The following SULF2 variants were observed in gnomAD, a reference collection of about 807,000 sequenced individuals.
The protein encoded by SULF2 is sulfatase 2.
Under a neutral mutation model 107.7 loss-of-function variants are expected in SULF2, and 52 were observed. That is an observed-to-expected ratio of 0.48 (90% CI 0.39 to 0.61). The LOEUF (loss-of-function observed/expected upper bound fraction) is 0.61, where lower values mean the gene tolerates loss of function less well. Among genes scored for constraint, SULF2 ranks in the 20% least tolerant of loss-of-function variants. The pLI is 0.00. For synonymous variants in SULF2, 460 were observed against 464.3 expected, an observed-to-expected ratio of 0.99 and a Z score of 0.12; for missense variants, 993 against 1,177.3, an observed-to-expected ratio of 0.84 and a Z score of 2.29.
intron 2 of SULF2, among the ~76,000 whole-genome samples, chr20:47,747,010 T>TAC (rs769812257): frequency 3.8e-5 from 5 of 132,306 alleles, no homozygotes; most frequent in East Asian, 2.3e-4. Context: ...TATATATATA[T>TAC]ATATATATAC....
intron 3 of SULF2, among the ~76,000 whole-genome samples, chr20:47,727,489 C>A (rs558602253): frequency 6.6e-6 from 1 of 152,166 alleles, no homozygotes; most frequent in Non-Finnish European, 1.5e-5. Flanking sequence ...CTGTGAAAAT[C>A]GCCTTTTGTT....
chr20:47,698,671 A>C (rs370631737), intron 4 of SULF2, among the ~76,000 whole-genome samples: 1 of 152,222 alleles, frequency 6.6e-6, no homozygotes, highest in East Asian at 1.9e-4. Flanking sequence ...TTCCTCTTTG[A>C]TTAAGCCACT....
chr20:47,666,268 C>T lies in SULF2; in HGVS notation c.1797G>A (p.Val599=), dbSNP rs1215650313. 1.2e-6 allele frequency: 2 copies of T among 1,614,000 alleles called. No homozygotes were observed. The highest frequency in any genetic ancestry group is 2.2e-5 in the South Asian group (2 of 91,062). Residue 599 remains valine (V), a synonymous_variant, in exon 12 of 21, where the codon GTG becomes GTA. Coordinates refer to ENST00000688720, the MANE Select transcript of SULF2 (RefSeq NM_001387048.1). This position sits in a 1 kb window ranked among gnomAD's most constrained non-coding sequence, Gnocchi z 5.4. The stretch of plus-strand genomic sequence containing the variant: ...TCCACCTGGACACTCACCGATGTGT[C>T]ACTTTAATGGGGTTGGCGGCTGAGT... The part of the protein sequence containing the change: ...PDYSAANPIK[V]THRCYILEND...
intron 1 of SULF2, among the ~76,000 whole-genome samples, chr20:47,761,529 G>A (rs1382182673): frequency 6.6e-6 from 1 of 152,232 alleles, no homozygotes; most frequent in Non-Finnish European, 1.5e-5. Flanking sequence ...TCCCTGTAGA[G>A]CTAATTGTAC....
intron 1 of SULF2, among the ~76,000 whole-genome samples, chr20:47,784,135 G>A (rs987172723): frequency 6.6e-6 from 1 of 152,128 alleles, no homozygotes; most frequent in Non-Finnish European, 1.5e-5. Flanking sequence ...GTCTCCCCCT[G>A]AGAACCTGCT....
At chr20:47,705,926 G>C (rs1215284487) in intron 3 of SULF2, among the ~76,000 whole-genome samples, 1 of 151,566 alleles carries the variant, frequency 6.6e-6, no homozygotes, top group East Asian at 1.9e-4. Context: ...AGCATCCCGA[G>C]TAGCTGGGAC....
chr20:47,729,656 G>A (rs2089541010), intron 3 of SULF2, among the ~76,000 whole-genome samples: 1 of 152,254 alleles, frequency 6.6e-6, no homozygotes, highest in African/African-American at 2.4e-5. Context: ...AGGTGCCGAG[G>A]AGAAGCCTGT....
chr20:47,694,340 G>T lies in SULF2; in HGVS notation c.568-4045C>A, dbSNP rs570683845. On this transcript the variant is annotated intron_variant, in intron 4 of 20. Transcript: ENST00000688720. The surrounding 1 kb of genome is among the most constrained non-coding windows in gnomAD (Gnocchi z 4.4). ...CCCACCCCTGTTGGTCTCTGGTTTG[G>T]GCAGTTGAGGGAAGGGTAGAGAAGG... Among the ~76,000 whole-genome samples, 1 of 152,260 alleles carries T rather than the reference G, an allele frequency of 6.6e-6. No individual in the cohort carries two copies. The highest frequency in any genetic ancestry group is 1.9e-4 in the East Asian group (1 of 5,176).
At chr20:47,776,503 A>G (rs2090728402) in intron 1 of SULF2, among the ~76,000 whole-genome samples, 1 of 152,082 alleles carries the variant, frequency 6.6e-6, no homozygotes, top group South Asian at 2.1e-4. Flanking sequence ...AGCTTTCAGG[A>G]GGGTAGGTTG....
intron 5 of SULF2, among the ~76,000 whole-genome samples, chr20:47,686,708 A>C (rs1352325989): frequency 6.6e-6 from 1 of 152,178 alleles, no homozygotes; most frequent in East Asian, 1.9e-4. Context: ...AGAAATTGTG[A>C]CGCTGCCGCT....
At chr20:47,767,107 T>G (rs2090542584) in intron 1 of SULF2, among the ~76,000 whole-genome samples, 1 of 152,132 alleles carries the variant, frequency 6.6e-6, no homozygotes, top group African/African-American at 2.4e-5. Context: ...CTGCCTGGGT[T>G]TGGATCTCAG....
In SULF2 at chr20:47,731,003, G is replaced by T. The variant is rs544144293; in HGVS notation, c.415+5700C>A. Among the ~76,000 whole-genome samples, 12 of 152,128 alleles carry T rather than the reference G, an allele frequency of 7.9e-5. No homozygotes were observed. In the East Asian group the frequency reaches 1.8e-3, roughly 22 times the overall value. On this transcript the variant is annotated intron_variant, in intron 3 of 20. Coordinates refer to ENST00000688720, the MANE Select transcript of SULF2 (RefSeq NM_001387048.1). ...CATGTGACTCAGGGTGGTCCAATCA[G>T]AAGGGATCTCATGCCTTGAGCATTC...
Position 47,715,623 on chromosome 20 carries a change from C to T in SULF2, c.416-12953G>A, listed in dbSNP as rs571232241. ...TTGAGATGGAGTCCCACACTGTCAC[C>T]CAGGCTGGGGCGCAATGGCACGATC... On this transcript the variant is annotated intron_variant, in intron 3 of 20. Transcript: ENST00000688720. Among the ~76,000 whole-genome samples, 18 of 152,006 alleles carry T rather than the reference C, an allele frequency of 1.2e-4. 1 individual carries two copies. In the East Asian group the frequency reaches 3.5e-3, roughly 30 times the overall value.
chr20:47,723,643 C>T (rs1482828688), intron 3 of SULF2, among the ~76,000 whole-genome samples: 1 of 152,170 alleles, frequency 6.6e-6, no homozygotes, highest in Non-Finnish European at 1.5e-5. Context: ...GGAGCGTGAA[C>T]CCCGTTGTGA....
intron 1 of SULF2, among the ~76,000 whole-genome samples, chr20:47,760,932 T>C (rs762991355): frequency 1.2e-4 from 18 of 152,208 alleles, no homozygotes; most frequent in Non-Finnish European, 2.4e-4. Flanking sequence ...CGTGGTGTGA[T>C]GGTTAAGGAT....
chr20:47,763,160 C>T (rs2090452276), intron 1 of SULF2, among the ~76,000 whole-genome samples: 2 of 152,214 alleles, frequency 1.3e-5, no homozygotes, highest in South Asian at 2.1e-4. Context: ...CTCCTTCCCA[C>T]CAGTTCCTTT....
At chr20:47,710,615 C>T (rs957643767) in intron 3 of SULF2, among the ~76,000 whole-genome samples, 2 of 151,988 alleles carry the variant, frequency 1.3e-5, no homozygotes, top group Non-Finnish European at 2.9e-5. Context: ...CTGTACATTG[C>T]TTGGAACTGG....
At chr20:47,773,663 T>A in intron 1 of SULF2, among the ~76,000 whole-genome samples, 1 of 152,258 alleles carries the variant, frequency 6.6e-6, no homozygotes, top group South Asian at 2.1e-4. Context: ...AAAGCTTCCC[T>A]GGCAGGGAGT....
intron 3 of SULF2, among the ~76,000 whole-genome samples, chr20:47,730,158 C>T (rs188913890): frequency 1.6e-3 from 246 of 152,226 alleles, no homozygotes; most frequent in African/African-American, 5.6e-3. Flanking sequence ...ATAACTGGGG[C>T]GCTCAGGGCC....
Sources: allele counts gnomAD v4.1 joint callset (sites outside exome capture counted in the v4.1 genomes callset), GRCh38; gene constraint gnomAD v4.1.1; non-coding constraint Gnocchi (gnomAD v3.1); transcripts MANE v1.5; gene names NCBI Gene and HGNC (gene_info 2026-07-23, HGNC 2026-07-21).